Variants in AGAP1 observed in about 807,000 individuals in gnomAD.
The protein encoded by AGAP1 is arf-GAP with GTPase, ANK repeat and PH domain-containing protein 1.
Under a neutral mutation model 105.3 loss-of-function variants are expected in AGAP1, and 29 were observed. The observed-to-expected ratio is 0.28, with a 90% CI of 0.21 to 0.38. The LOEUF is 0.38. AGAP1 is among the 10% of genes least tolerant of loss of function. The pLI is 1.00. For missense variants in AGAP1, 998 were observed against 1,165.1 expected, an observed-to-expected ratio of 0.86 and a Z score of 2.09; for synonymous variants, 509 against 485.9, an observed-to-expected ratio of 1.05 and a Z score of -0.63.
At chr2:235,699,077 C>G (rs879878070) in intron 1 of AGAP1, among the ~76,000 whole-genome samples, 59 of 151,294 alleles carry the variant, frequency 3.9e-4, no homozygotes, top group Non-Finnish European at 7.7e-4. Context: ...CATCCCCCCC[C>G]CCCACCCCAC....
At position 235,753,855 on chromosome 2, in the gene AGAP1, T is replaced by C. The variant is rs1027545014; in HGVS notation, c.673+3367T>C. 2.5e-4 allele frequency among the ~76,000 whole-genome samples: 38 copies of C among 152,356 alleles called. No individual in the cohort carries two copies. Among genetic ancestry groups the C allele is most frequent in the African/African-American group, 8.7e-4 (36 of 41,582 alleles). ...ATAAAATCAGTTACTTTGTATATTT[T>C]ATATCATAGTTATATGGTATATGGT... On this transcript the variant is annotated intron_variant, in intron 6 of 17. Coordinates refer to ENST00000304032, the MANE Select transcript of AGAP1 (RefSeq NM_001037131.3). This position sits in a 1 kb window ranked among gnomAD's most constrained non-coding sequence, Gnocchi z 4.5.
chr2:236,022,992 T>C (rs1040470616), intron 13 of AGAP1, among the ~76,000 whole-genome samples: 1 of 152,196 alleles, frequency 6.6e-6, no homozygotes, highest in Non-Finnish European at 1.5e-5. Context: ...GCCTATTTAA[T>C]AGATGGTTTT....
chr2:236,043,745 G>C (rs200238387), intron 15 of AGAP1, among the ~76,000 whole-genome samples: 7 of 149,076 alleles, frequency 4.7e-5, no homozygotes, highest in African/African-American at 1.0e-4. Flanking sequence ...AAGTGGGGGG[G>C]GTGCTTAATT....
chr2:235,644,888 G>C (rs1233147184), intron 1 of AGAP1, among the ~76,000 whole-genome samples: 1 of 151,942 alleles, frequency 6.6e-6, no homozygotes, highest in Non-Finnish European at 1.5e-5. Context: ...AGCAATCAAG[G>C]TGTAAGACTT....
Position 235,800,087 on chromosome 2 carries a change from C to T in AGAP1, c.957+565C>T, listed in dbSNP as rs186726243. 1.5e-3 allele frequency among the ~76,000 whole-genome samples: 223 copies of T among 149,530 alleles called. 1 individual carries two copies. Among genetic ancestry groups the T allele is most frequent in the Non-Finnish European group, 2.5e-3 (168 of 67,608 alleles). On this transcript the variant is annotated intron_variant, in intron 8 of 17. Coordinates refer to ENST00000304032, the MANE Select transcript of AGAP1 (RefSeq NM_001037131.3). ...TATAAATTCACAATCTGGGTGCACT[C>T]GGGCATGCATTGTTCCTTTTTTTTT...
chr2:236,102,715 C>T (rs1261683117), intron 16 of AGAP1, among the ~76,000 whole-genome samples: 1 of 151,980 alleles, frequency 6.6e-6, no homozygotes, highest in Non-Finnish European at 1.5e-5. Context: ...CTCAGAGACA[C>T]AATGAGACTT....
chr2:235,871,821 A>T (rs1322541006), intron 9 of AGAP1, among the ~76,000 whole-genome samples: 1 of 152,172 alleles, frequency 6.6e-6, no homozygotes, highest in Non-Finnish European at 1.5e-5. Context: ...CAATGGAGAT[A>T]GTGTTATTCC....
At chr2:235,494,890 C>A in intron 1 of AGAP1, 41 bp downstream of exon 1, 1 of 1,530,158 alleles carries the variant, frequency 6.5e-7, no homozygotes, top group Non-Finnish European at 8.8e-7. Flanking sequence ...AAGGCACGGA[C>A]GCCCGCGGCG....
chr2:235,909,001 C>A, intron 11 of AGAP1, 95 bp downstream of exon 11: 1 of 1,165,200 alleles, frequency 8.6e-7, no homozygotes, highest in Non-Finnish European at 1.2e-6. Context: ...TAAGTGGAGA[C>A]AGTAACTATC....
rs1958885256 is a variant in AGAP1, at chr2:235,823,057, G to A, written c.1050+15726G>A. 1.3e-5 allele frequency among the ~76,000 whole-genome samples: 2 copies of A among 152,056 alleles called. 1 individual carries two copies. Among genetic ancestry groups the A allele is most frequent in the African/African-American group, 4.8e-5 (2 of 41,402 alleles). On this transcript the variant is annotated intron_variant, in intron 9 of 17. Coordinates refer to ENST00000304032, the MANE Select transcript of AGAP1 (RefSeq NM_001037131.3). ...ACATGTGTTCTTTGGGTTTCATCTC[G>A]TAATTTCATTCATGAAGGTTGGGAA... is the stretch of plus-strand genomic sequence containing the variant.
chr2:235,521,732 T>C (rs1175804020), intron 1 of AGAP1, among the ~76,000 whole-genome samples: 1 of 119,488 alleles, frequency 8.4e-6, no homozygotes, highest in Non-Finnish European at 1.7e-5. Context: ...TGTTTTTGTT[T>C]GTTATATATA....
At chr2:235,818,070 G>A (rs1958562873) in intron 9 of AGAP1, among the ~76,000 whole-genome samples, 1 of 152,182 alleles carries the variant, frequency 6.6e-6, no homozygotes, top group Non-Finnish European at 1.5e-5. Context: ...TCTGCTCCCT[G>A]CAATATTTAC....
At position 235,553,034 on chromosome 2, in the gene AGAP1, G is replaced by C. The variant is rs1943863059; in HGVS notation, c.163+58185G>C. Among the ~76,000 whole-genome samples the C allele has an allele frequency of 6.6e-6, 1 of 152,206 alleles. No homozygotes were observed. Among genetic ancestry groups the C allele is most frequent in the Non-Finnish European group, 1.5e-5 (1 of 68,034 alleles). On this transcript the variant is annotated intron_variant, in intron 1 of 17. Coordinates refer to ENST00000304032, the MANE Select transcript of AGAP1 (RefSeq NM_001037131.3). The surrounding 1 kb of genome is among the most constrained non-coding windows in gnomAD (Gnocchi z 4.5). ...TCAGTTTTCAGTCAGCTCCCTAGCTGGGTGGTTCCTCTGAGCCTCTGCTTT... is the reference window on the plus strand; with the variant it reads ...TCAGTTTTCAGTCAGCTCCCTAGCTCGGTGGTTCCTCTGAGCCTCTGCTTT...
Position 235,662,572 on chromosome 2 carries a change from T to A in AGAP1, c.164-46607T>A, listed in dbSNP as rs1259807904. On this transcript the variant is annotated intron_variant, in intron 1 of 17. Transcript: ENST00000304032. This position sits in a 1 kb window ranked among gnomAD's most constrained non-coding sequence, Gnocchi z 4.2. ...CCCAGGCTGGATTGCAGTGGTGGCA[T>A]CTCAGCTCACTGCAACCTCTGCCTC... Among the ~76,000 whole-genome samples the A allele has an allele frequency of 6.6e-6, 1 of 150,618 alleles. No individual in the cohort carries two copies. Among genetic ancestry groups the A allele is most frequent in the Non-Finnish European group, 1.5e-5 (1 of 67,746 alleles).
At chr2:235,498,306 C>T (rs1443722791) in intron 1 of AGAP1, among the ~76,000 whole-genome samples, 3 of 151,234 alleles carry the variant, frequency 2.0e-5, no homozygotes, top group African/African-American at 7.3e-5. Flanking sequence ...AGGTTTATTC[C>T]CCCCTCCCTT....
Position 235,737,234 on chromosome 2 carries a change from C to T in AGAP1, c.311-3729C>T, listed in dbSNP as rs1305584707. ...TTCACCTTTGAGTTCGTGGCAAATACTTAGCAGTATTTAATTTTTGCTTTC... is the reference window on the plus strand; with the variant it reads ...TTCACCTTTGAGTTCGTGGCAAATATTTAGCAGTATTTAATTTTTGCTTTC... On this transcript the variant is annotated intron_variant, in intron 3 of 17. Coordinates refer to ENST00000304032, the MANE Select transcript of AGAP1 (RefSeq NM_001037131.3). This position sits in a 1 kb window ranked among gnomAD's most constrained non-coding sequence, Gnocchi z 4.5. 6.6e-6 allele frequency among the ~76,000 whole-genome samples: 1 copy of T among 152,170 alleles called. No homozygotes were observed. Among genetic ancestry groups the T allele is most frequent in the African/African-American group, 2.4e-5 (1 of 41,422 alleles).
chr2:235,494,640 G>GGCT lies in AGAP1; in HGVS notation c.-45_-44insTGC. ...GCGGCCCGCGGGCCCCGGGGCGCGG[G>GGCT]GCGGCGGCGGCGGGGGGCGCGCGGC... On this transcript the variant is annotated 5_prime_UTR_variant, in exon 1 of 18. Coordinates refer to ENST00000304032, the MANE Select transcript of AGAP1 (RefSeq NM_001037131.3). The GGCT allele has an allele frequency of 4.2e-6, 4 of 962,332 alleles. No homozygotes were observed. Among genetic ancestry groups the GGCT allele is most frequent in the Non-Finnish European group, 4.9e-6 (4 of 809,762 alleles). The allele number at this position is 962,332 out of a possible 1,614,324, so 59.6% of individuals were successfully genotyped here. A position where few individuals can be genotyped will look rare whatever the true frequency, so the allele number is the denominator to read the frequency against.
Position 235,750,023 on chromosome 2 carries a change from G to A in AGAP1, c.539-331G>A, listed in dbSNP as rs1156616102. Among the ~76,000 whole-genome samples the A allele has an allele frequency of 2.0e-5, 3 of 152,112 alleles. No homozygotes were observed. The highest frequency in any genetic ancestry group is 6.5e-5 in the Admixed American group (1 of 15,272). On this transcript the variant is annotated intron_variant, in intron 5 of 17. Transcript: ENST00000304032. The surrounding 1 kb of genome is among the most constrained non-coding windows in gnomAD (Gnocchi z 5.3). ...GCCACCTGCGTGGTGCACAGAAGGG[G>A]GCCTGCACATAGGGACTGTGTGTGT...
At chr2:235,709,741 CT>C (rs1381127016) in intron 2 of AGAP1, among the ~76,000 whole-genome samples, 1 of 152,136 alleles carries the variant, frequency 6.6e-6, no homozygotes, top group East Asian at 1.9e-4. Flanking sequence ...AAATTTTTGT[CT>C]TTTACGAACC....
Sources: allele counts gnomAD v4.1 joint callset (sites outside exome capture counted in the v4.1 genomes callset), GRCh38; gene constraint gnomAD v4.1.1; non-coding constraint Gnocchi (gnomAD v3.1); transcripts MANE v1.5; gene names NCBI Gene and HGNC (gene_info 2026-07-23, HGNC 2026-07-21).